Variants in LAMA1 observed in about 807,000 individuals in gnomAD.
LAMA1 encodes laminin subunit alpha-1.
Under a neutral mutation model 348.7 loss-of-function variants are expected in LAMA1, and 219 were observed. The ratio of observed to expected loss-of-function variants is 0.63; its 90% CI spans 0.56 to 0.70. LAMA1 has a LOEUF of 0.70. LAMA1 is among the 30% of genes least tolerant of loss of function. The probability of loss-of-function intolerance (pLI) is 0.00; values close to 1 mark genes in which losing one functional copy is unlikely to be tolerated. For missense variants in LAMA1, 3,744 were observed against 3,888.0 expected, an observed-to-expected ratio of 0.96 and a Z score of 0.99; for synonymous variants, 1,487 against 1,491.0, an observed-to-expected ratio of 1.00 and a Z score of 0.06.
chr18:7,026,726 G>A (rs1431577894), intron 16 of LAMA1, among the ~76,000 whole-genome samples: 11 of 152,244 alleles, frequency 7.2e-5, no homozygotes, highest in African/African-American at 1.7e-4. Flanking sequence ...GGCCAGGTGC[G>A]GTGGCTCATG....
chr18:7,075,074 C>G (rs2058161979), intron 3 of LAMA1, among the ~76,000 whole-genome samples: 1 of 144,664 alleles, frequency 6.9e-6, no homozygotes, highest in Non-Finnish European at 1.5e-5. Flanking sequence ...TTTGCCAACA[C>G]AGAATGCAGC....
intron 1 of LAMA1, among the ~76,000 whole-genome samples, chr18:7,115,960 C>T (rs368387058): frequency 6.6e-6 from 1 of 151,338 alleles, no homozygotes; most frequent in Non-Finnish European, 1.5e-5. Flanking sequence ...GCCTGCAGCC[C>T]GGAGACTGCA....
At chr18:7,012,161 C>T (rs764136184) in intron 23 of LAMA1, 23 bp from the exon 24 acceptor site, 1 of 1,613,004 alleles carries the variant, frequency 6.2e-7, no homozygotes, top group Non-Finnish European at 8.5e-7. Context: ...AAATAAAGGA[C>T]TCGTTTTTGC....
chr18:7,047,425 AAAG>A (rs1417401369), intron 5 of LAMA1, among the ~76,000 whole-genome samples: 1 of 152,226 alleles, frequency 6.6e-6, no homozygotes, highest in Admixed American at 6.5e-5. Context: ...AAAGAGAATT[AAAG>A]AAGATTTAGA....
intron 34 of LAMA1, among the ~76,000 whole-genome samples, chr18:6,994,783 C>T (rs2057774004): frequency 1.3e-5 from 2 of 151,960 alleles, no homozygotes; most frequent in Admixed American, 1.3e-4. Context: ...TTTTTTAGGT[C>T]ACTAAATGCC....
At chr18:7,057,725 C>T (rs1159825076) in intron 3 of LAMA1, among the ~76,000 whole-genome samples, 3 of 151,508 alleles carry the variant, frequency 2.0e-5, no homozygotes, top group African/African-American at 7.3e-5. Flanking sequence ...GTGATCCACC[C>T]GCCTTGGCCT....
intron 3 of LAMA1, among the ~76,000 whole-genome samples, chr18:7,077,229 T>C (rs1449603881): frequency 7.1e-6 from 1 of 141,294 alleles, no homozygotes; most frequent in Non-Finnish European, 1.5e-5. Context: ...TGAGACGGAG[T>C]CTCGCTCTGT....
intron 40 of LAMA1, 92 bp from the exon 41 acceptor site, chr18:6,982,682 A>G: frequency 9.6e-7 from 1 of 1,039,914 alleles, no homozygotes; most frequent in Non-Finnish European, 1.5e-6. Flanking sequence ...AGTAGCCCCC[A>G]GACACATTCC....
chr18:7,044,906 A>G, intron 6 of LAMA1, 67 bp from the exon 7 acceptor site: 1 of 1,170,712 alleles, frequency 8.5e-7, no homozygotes, highest in Non-Finnish European at 1.3e-6. Flanking sequence ...ATTTCATGGT[A>G]AAAAGAACCT....
In LAMA1 at chr18:7,042,217, A is replaced by C; in HGVS notation, c.1189T>G (p.Cys397Gly). The C allele has an allele frequency of 6.2e-7, 1 of 1,611,696 alleles. No homozygotes were observed. The highest frequency in any genetic ancestry group is 1.7e-5 in the Admixed American group (1 of 59,836). Residue 397 changes from cysteine (C) to glycine (G), a missense_variant, in exon 9 of 63, where the codon TGT (cysteine) becomes GGT (glycine). Around this residue, in one of 3 missense-constraint regions of LAMA1, gnomAD observed 1,529 missense variants for 1,689.4 expected, o/e 0.91. Transcript: ENST00000389658. ...AGGGACCCCACAGGGTCACAATTAC[A>C]GGGGCGGCAAGGCTCATCCTCATAA... is the stretch of plus-strand genomic sequence containing the variant. ...SPYEDEPCRP[C>G]NCDPVGSLSS...
intron 48 of LAMA1, among the ~76,000 whole-genome samples, chr18:6,969,169 A>C (rs986716127): frequency 1.3e-5 from 2 of 151,440 alleles, no homozygotes; most frequent in African/African-American, 4.9e-5. Flanking sequence ...ACAGGATCTC[A>C]CTCTGTCACC....
At chr18:6,976,909 C>A (rs1358436209) in intron 44 of LAMA1, among the ~76,000 whole-genome samples, 1 of 152,128 alleles carries the variant, frequency 6.6e-6, no homozygotes, top group East Asian at 1.9e-4. Context: ...CAGGCCCAGC[C>A]TGTATTTATT....
chr18:7,042,094 CCA>C (rs762380319), intron 9 of LAMA1, 49 bp downstream of exon 9: 18 of 1,239,134 alleles, frequency 1.5e-5, no homozygotes, highest in Middle Eastern at 1.9e-4. Context: ...TGCAAATCTT[CCA>C]CACACACACA....
In LAMA1 at chr18:7,023,319, C is replaced by A. The variant is rs1268727700; in HGVS notation, c.2546G>T (p.Cys849Phe). 1 of 1,614,066 alleles carries A rather than the reference C, an allele frequency of 6.2e-7. No homozygotes were observed. Among genetic ancestry groups the A allele is most frequent in the Non-Finnish European group, 8.5e-7 (1 of 1,180,056 alleles). ...GGGGTCCACGTTGCCGCTGCAGTCA[C>A]AGGGAACACAAGATTCGCCAGGCAC... ...PTVPGESCVP[C>F]DCSGNVDPSE... Residue 849 changes from cysteine to phenylalanine, a missense_variant, in exon 19 of 63, where the codon TGT becomes TTT. This residue lies in a region of LAMA1 where 1,529 missense variants were observed against 1,689.4 expected (regional missense o/e 0.91). Coordinates refer to ENST00000389658, the MANE Select transcript of LAMA1 (RefSeq NM_005559.4).
At chr18:6,997,551 G>A (rs112556088) in intron 33 of LAMA1, among the ~76,000 whole-genome samples, 191 bp downstream of exon 33, 83 of 152,218 alleles carry the variant, frequency 5.5e-4, no homozygotes, top group African/African-American at 1.9e-3. Flanking sequence ...ACAAGCTAGC[G>A]TGTGAGATAA....
intron 43 of LAMA1, 107 bp downstream of exon 43, chr18:6,978,089 C>G: frequency 6.8e-7 from 1 of 1,467,522 alleles, no homozygotes. Flanking sequence ...TGTTAGCATA[C>G]TTCTACTTTT....
rs1477115334 is a variant in LAMA1, at chr18:7,015,740, A to T, written c.3108T>A (p.Asp1036Glu). ...EECEDGHWGY[D>E]AEVGCQACNC... ...TGCTCACCTGGCACCCCACCTCCGC[A>T]TCGTAGCCCCAGTGCCCATCCTCAC... Residue 1036 changes from aspartate to glutamate, a missense_variant, in exon 22 of 63, where the codon GAT (aspartate) becomes GAA (glutamate). Around this residue, in one of 3 missense-constraint regions of LAMA1, gnomAD observed 1,529 missense variants for 1,689.4 expected, o/e 0.91. Coordinates refer to ENST00000389658, the MANE Select transcript of LAMA1 (RefSeq NM_005559.4). 3 of 1,613,952 alleles carry T rather than the reference A, an allele frequency of 1.9e-6. No individual in the cohort carries two copies. The highest frequency in any genetic ancestry group is 2.5e-6 in the Non-Finnish European group (3 of 1,180,024).
intron 1 of LAMA1, among the ~76,000 whole-genome samples, chr18:7,109,601 A>G (rs4798534): frequency 0.3 from 46,376 of 152,070 alleles, 7,496 homozygotes; most frequent in East Asian, 0.6. Context: ...AAACGGGAGT[A>G]CATTTCAGGT....
intron 49 of LAMA1, chr18:6,965,760 G>T: frequency 2.4e-6 from 1 of 410,232 alleles, no homozygotes; most frequent in Non-Finnish European, 4.4e-6. Context: ...GAAATCACCA[G>T]CCCATGAGAT....
Sources: gnomAD v4.1 joint callset for allele counts (sites outside exome capture counted in the v4.1 genomes callset) on GRCh38, gnomAD v4.1.1 for gene constraint, gnomAD v4.1.1 regional missense constraint, MANE v1.5 for transcripts, NCBI Gene and HGNC (gene_info 2026-07-23, HGNC 2026-07-21) for gene names.